The following KRT23 variants were observed in gnomAD, a reference collection of about 807,000 sequenced individuals.
KRT23 encodes keratin 23.
A neutral mutation model predicts 47.6 loss-of-function variants in KRT23; 38 were observed. The observed-to-expected ratio is 0.80, with a 90% confidence interval of 0.62 to 1.05. KRT23 has a LOEUF of 1.05. KRT23 is among the 50% of genes least tolerant of loss of function. The probability of loss-of-function intolerance (pLI) is 0.00; values close to 1 mark genes in which losing one functional copy is unlikely to be tolerated. For missense variants in KRT23, 503 were observed against 529.5 expected, an observed-to-expected ratio of 0.95 and a Z score of 0.49; for synonymous variants, 191 against 199.0, an observed-to-expected ratio of 0.96 and a Z score of 0.34.
rs1909546134 is a variant in KRT23, at chr17:40,930,084, T to C, written c.492A>G (p.Glu164=). 6.2e-7 allele frequency: 1 copy of C among 1,613,988 alleles called. No individual in the cohort carries two copies. The highest frequency in any genetic ancestry group is 1.3e-5 in the African/African-American group (1 of 74,936). Residue 164 remains glutamate, a synonymous_variant, in exon 4 of 9, where the codon GAA becomes GAG. Coordinates refer to ENST00000209718, the MANE Select transcript of KRT23 (RefSeq NM_015515.5). ...VDDFNLKYEN[E]HSFKKDLEIE... ...TTTCCAAGTCTTTCTTAAAGGAGTG[T>C]TCATTTTCATACCTTTGGTGAGAAG...
chr17:40,933,816 C>T (rs1179714419), intron 2 of KRT23, among the ~76,000 whole-genome samples: 1 of 152,174 alleles, frequency 6.6e-6, no homozygotes, highest in Non-Finnish European at 1.5e-5. Context: ...ATATATGAGG[C>T]ATAGGTTTTT....
chr17:40,929,972 C>G lies in KRT23; in HGVS notation c.604G>C (p.Glu202Gln), dbSNP rs918078372. The change falls in exon 4 of 9, where the codon GAG (glutamate) becomes CAG (glutamine). Residue 202 changes from glutamate to glutamine, a missense_variant. Physicochemically the swap from Glu to Gln is conservative, Grantham distance 29. Transcript: ENST00000209718. ...LEQEVEGMRK[E>Q]LILMKKHHEQ... Reference sequence around the variant, plus strand: ...TGGTGCTTCTTCATGAGAATGAGCTCTTTCCTCATTCCTTCCACCTCCTGT... The same window carrying G: ...TGGTGCTTCTTCATGAGAATGAGCTGTTTCCTCATTCCTTCCACCTCCTGT... 1.3e-5 allele frequency: 21 copies of G among 1,614,000 alleles called. No homozygotes were observed. Among genetic ancestry groups the G allele is most frequent in the Non-Finnish European group, 1.8e-5 (21 of 1,180,012 alleles).
Position 40,936,439 on chromosome 17 carries a change from A to T in KRT23, c.165T>A (p.Pro55=), listed in dbSNP as rs774668819. 1 of 1,611,184 alleles carries T rather than the reference A, an allele frequency of 6.2e-7. No homozygotes were observed. Among genetic ancestry groups the T allele is most frequent in the Non-Finnish European group, 8.5e-7 (1 of 1,178,108 alleles). The change falls in exon 2 of 9, where the codon CCT becomes CCA. Residue 55 remains proline, a synonymous_variant. Transcript: ENST00000209718. ...TTCTTCCAGAACCCCAAGACCCTCC[A>T]GGGGGTGGGCAGCTCCGCGTGGTGA... The part of the protein sequence containing the change: ...LSFTTRSCPP[P]GGSWGSGRSS...
intron 8 of KRT23, among the ~76,000 whole-genome samples, chr17:40,923,775 C>T (rs1030373693): frequency 1.3e-4 from 20 of 152,286 alleles, no homozygotes; most frequent in African/African-American, 4.6e-4. Flanking sequence ...GATGATTACT[C>T]CAACTGATTC....
chr17:40,936,479 C>T lies in KRT23; in HGVS notation c.125G>A (p.Arg42His), dbSNP rs1038708683. 1.5e-5 allele frequency: 23 copies of T among 1,574,804 alleles called. No individual in the cohort carries two copies. Among genetic ancestry groups the T allele is most frequent in the South Asian group, 2.4e-5 (2 of 84,864 alleles). ...CCGCGTGGTGAAGGACAGGGAGATG[C>T]GGGCTCCCCCCGCACCGCCATGGAC... ...PTVHGGAGGA[R>H]ISLSFTTRSC... Residue 42 changes from arginine (R) to histidine (H), a missense_variant, in exon 2 of 9, where the codon CGC becomes CAC. Transcript: ENST00000209718.
At chr17:40,934,481 T>G (rs369610708) in intron 2 of KRT23, among the ~76,000 whole-genome samples, 3 of 152,188 alleles carry the variant, frequency 2.0e-5, no homozygotes, top group African/African-American at 7.2e-5. Context: ...TAGACAATGA[T>G]TAGGTCTCAG....
At position 40,928,591 on chromosome 17, in the gene KRT23, T is replaced by C. The variant is rs1205681514; in HGVS notation, c.653A>G (p.His218Arg). Residue 218 changes from histidine (H) to arginine (R), a missense_variant, in exon 5 of 9, where the codon CAT becomes CGT. Coordinates refer to ENST00000209718, the MANE Select transcript of KRT23 (RefSeq NM_015515.5). ...ATTGACATTGAAGTCACTTGGCACA[T>C]GATGCTTCTCCATTTCCTATTTAAT... ...KHHEQEMEKH[H>R]VPSDFNVNVK... 1.2e-6 allele frequency: 2 copies of C among 1,612,682 alleles called. No homozygotes were observed. The highest frequency in any genetic ancestry group is 1.3e-5 in the African/African-American group (1 of 74,870).
At position 40,936,630 on chromosome 17, in the gene KRT23, T is replaced by C; in HGVS notation, c.-27A>G. On this transcript the variant is annotated 5_prime_UTR_variant, in exon 2 of 9. Coordinates refer to ENST00000209718, the MANE Select transcript of KRT23 (RefSeq NM_015515.5). ...GTCCCATCTGTGTTTGGGACGGGGCTGAGCTCTGCTCCACTCCCTGGCACC... is the reference window on the plus strand; with the variant it reads ...GTCCCATCTGTGTTTGGGACGGGGCCGAGCTCTGCTCCACTCCCTGGCACC... The C allele has an allele frequency of 6.7e-7, 1 of 1,503,058 alleles. No homozygotes were observed. 93.1% of individuals were successfully genotyped at this position (1,503,058 alleles called of 1,614,324 possible). A position where few individuals can be genotyped will look rare whatever the true frequency, so the allele number is the denominator to read the frequency against.
At chr17:40,925,652 C>A (rs780290360) in intron 6 of KRT23, 78 bp from the exon 7 acceptor site, 2 of 1,086,320 alleles carry the variant, frequency 1.8e-6, no homozygotes, top group Non-Finnish European at 1.4e-6. Flanking sequence ...GAGTACTTAG[C>A]AGATGTCGAC....
intron 3 of KRT23, among the ~76,000 whole-genome samples, chr17:40,931,012 C>CTTTTTTTT (rs1165590099): frequency 1.7e-5 from 2 of 120,824 alleles, no homozygotes; most frequent in African/African-American, 6.5e-5. Flanking sequence ...ATGAGTTTTC[C>CTTTTTTTT]TTTTTTTTTT....
In KRT23 at chr17:40,928,447, T is replaced by C; in HGVS notation, c.797A>G (p.Gln266Arg). 1 of 1,614,056 alleles carries C rather than the reference T, an allele frequency of 6.2e-7. No homozygotes were observed. The highest frequency in any genetic ancestry group is 1.1e-5 in the South Asian group (1 of 91,074). Reference protein sequence around the residue: ...HRDLDTWYKEQSAAMSQEAAS... With the variant: ...HRDLDTWYKERSAAMSQEAAS... ...GAAGTTTGTGCATCTTTCTTTTACC[T>C]GTTCTTTATACCAAGTGTCCAAGTC... The change falls in exon 5 of 9, where the codon CAG becomes CGG. Residue 266 changes from glutamine (Q) to arginine (R), a missense_variant and splice_region_variant. Coordinates refer to ENST00000209718, the MANE Select transcript of KRT23 (RefSeq NM_015515.5).
rs992095609 is a variant in KRT23 at position 40,934,950 on chromosome 17, C to T, written c.396+1258G>A. ...CCCTTTCTTTTTTTTAAATCTCTTC[C>T]GCGAGCTCATAAATTATTTGACTGG... On this transcript the variant is annotated intron_variant, in intron 2 of 8. Transcript: ENST00000209718. Among the ~76,000 whole-genome samples, 21 of 152,090 alleles carry T rather than the reference C, an allele frequency of 1.4e-4. No homozygotes were observed. The South Asian group carries it at 1.5e-3, about 11-fold the overall frequency.
intron 6 of KRT23, among the ~76,000 whole-genome samples, chr17:40,925,841 C>T (rs549442040): frequency 1.8e-4 from 27 of 152,212 alleles, no homozygotes; most frequent in Middle Eastern, 6.8e-3. Flanking sequence ...TTGAAAACTC[C>T]CAAAGAGCGA....
Position 40,925,555 on chromosome 17 carries a change from A to T in KRT23, c.941T>A (p.Met314Lys), listed in dbSNP as rs751072007. 1.2e-6 allele frequency: 2 copies of T among 1,613,492 alleles called. No individual in the cohort carries two copies. Among genetic ancestry groups the T allele is most frequent in the Non-Finnish European group, 1.7e-6 (2 of 1,179,568 alleles). ...GTACCGAGACTGGGTCTCGGATAAC[A>T]TGTTTTCCAAAGCAGATTTCTGAAA... is the stretch of plus-strand genomic sequence containing the variant. The part of the protein sequence containing the change: ...QYSTKSALEN[M>K]LSETQSRYSC... The change falls in exon 7 of 9, where the codon ATG becomes AAG. Residue 314 changes from methionine to lysine, a missense_variant. By Grantham distance (95) the Met-to-Lys change is moderately conservative (BLOSUM62 -1). Coordinates refer to ENST00000209718, the MANE Select transcript of KRT23 (RefSeq NM_015515.5).
intron 2 of KRT23, among the ~76,000 whole-genome samples, chr17:40,932,655 G>A (rs1440106440): frequency 6.6e-6 from 1 of 152,230 alleles, no homozygotes; most frequent in East Asian, 1.9e-4. Context: ...TTTAGTTGGA[G>A]TCAGAGAATC....
chr17:40,928,806 A>G (rs1029808101), intron 4 of KRT23, 199 bp from the exon 5 acceptor site: 35 of 529,268 alleles, frequency 6.6e-5, no homozygotes, highest in Non-Finnish European at 1.1e-4. Flanking sequence ...ATAATTTTAT[A>G]AAATAAAGAA....
intron 4 of KRT23, 117 bp from the exon 5 acceptor site, chr17:40,928,724 C>T (rs1909411878): frequency 1.1e-6 from 1 of 892,274 alleles, no homozygotes; most frequent in Non-Finnish European, 1.7e-6. Flanking sequence ...TGGTTGCTCC[C>T]ACTGTCACTG....
chr17:40,929,773 T>C, intron 4 of KRT23, 167 bp downstream of exon 4: 3 of 544,192 alleles, frequency 5.5e-6, no homozygotes, highest in Non-Finnish European at 9.3e-6. Flanking sequence ...CTAGCTAACC[T>C]TGAAATTAGA....
chr17:40,926,472 T>C (rs1420235766), intron 6 of KRT23, among the ~76,000 whole-genome samples: 1 of 152,160 alleles, frequency 6.6e-6, no homozygotes, highest in Non-Finnish European at 1.5e-5. Context: ...CTAATTTTGT[T>C]GATGAAATGA....
Sources: gnomAD v4.1 joint callset for allele counts (sites outside exome capture counted in the v4.1 genomes callset) on GRCh38, gnomAD v4.1.1 for gene constraint, MANE v1.5 for transcripts, NCBI Gene and HGNC (gene_info 2026-07-23, HGNC 2026-07-21) for gene names.